Variants in CCDC50 observed in about 807,000 individuals in gnomAD.
CCDC50 encodes coiled-coil domain containing 50.
In CCDC50, 54 loss-of-function variants were observed where a neutral mutation model predicts 70.2. The observed-to-expected ratio is 0.77, with a 90% CI of 0.62 to 0.96. The LOEUF is 0.96. CCDC50 is among the 50% of genes least tolerant of loss of function. CCDC50 has a pLI of 0.00. For synonymous variants in CCDC50, 216 were observed against 198.8 expected (o/e 1.09, Z -0.73); for missense variants, 558 against 578.7 (o/e 0.96, Z 0.37).
chr3:191,380,050 T>G (rs1471566525), intron 6 of CCDC50, 109 bp from the exon 7 acceptor site: 2 of 707,442 alleles, frequency 2.8e-6, no homozygotes, highest in East Asian at 5.4e-5. Context: ...AGAGGTAGTA[T>G]TGTCATTGTT....
intron 1 of CCDC50, chr3:191,330,544 T>A (rs1437979581): frequency 6.6e-6 from 1 of 152,158 alleles, no homozygotes; most frequent in Admixed American, 6.5e-5. Flanking sequence ...GTTATCTTTG[T>A]TTATTCTTTG....
intron 1 of CCDC50, among the ~76,000 whole-genome samples, chr3:191,344,150 A>G (rs781598753): frequency 1.3e-5 from 2 of 152,226 alleles, no homozygotes; most frequent in South Asian, 2.1e-4. Flanking sequence ...GCAAGCACAC[A>G]TGCTTGTGCA....
intron 4 of CCDC50, among the ~76,000 whole-genome samples, chr3:191,369,030 T>G (rs1268883864): frequency 6.6e-6 from 1 of 152,130 alleles, no homozygotes; most frequent in Non-Finnish European, 1.5e-5. Context: ...CTTAGACTGT[T>G]TTTCTAGCCT....
rs191638921 is a variant in CCDC50, at chr3:191,390,547, A to G, written c.1429+945A>G. Among the ~76,000 whole-genome samples the G allele has an allele frequency of 3.5e-4, 53 of 152,204 alleles. No homozygotes were observed. The East Asian group carries it at 8.9e-3, about 26-fold the overall frequency. ...AAGGGGTGGGCAAATCCTGGAACTG[A>G]GGGTTCCTCCCCTTTATAGACCTTA... On this transcript the variant is annotated intron_variant, in intron 11 of 11. Coordinates refer to ENST00000392455, the MANE Select transcript of CCDC50 (RefSeq NM_178335.3).
At chr3:191,380,078 C>G in intron 6 of CCDC50, 81 bp from the exon 7 acceptor site, 1 of 843,034 alleles carries the variant, frequency 1.2e-6, no homozygotes, top group South Asian at 1.6e-5. Context: ...AAAGAAAAAT[C>G]TCCTTTATCT....
At chr3:191,333,866 AT>A (rs925732993) in intron 1 of CCDC50, among the ~76,000 whole-genome samples, 2 of 152,016 alleles carry the variant, frequency 1.3e-5, no homozygotes, top group Admixed American at 1.3e-4. Flanking sequence ...AAAACTTCGA[AT>A]TTTTTTCTAA....
intron 6 of CCDC50, 28 bp from the exon 7 acceptor site, chr3:191,380,131 T>G: frequency 7.5e-7 from 1 of 1,327,838 alleles, no homozygotes. Flanking sequence ...GTTGTTTTAT[T>G]ACATTGAGTT....
At chr3:191,368,529 C>T (rs928911321) in intron 4 of CCDC50, among the ~76,000 whole-genome samples, 3 of 151,914 alleles carry the variant, frequency 2.0e-5, no homozygotes, top group African/African-American at 7.2e-5. Flanking sequence ...GCTAATTTAC[C>T]TAGAATGAGC....
chr3:191,361,716 C>T (rs1245649371), intron 4 of CCDC50, among the ~76,000 whole-genome samples: 2 of 152,218 alleles, frequency 1.3e-5, no homozygotes, highest in African/African-American at 4.8e-5. Context: ...CTCAGCTTAA[C>T]TAATTACATC....
rs1419700397 is a variant in CCDC50 at position 191,398,274 on chromosome 3, T to C, written c.*6514T>C. The C allele has an allele frequency of 1.3e-5, 2 of 152,234 alleles. No individual in the cohort carries two copies. The highest frequency in any genetic ancestry group is 2.9e-5 in the Non-Finnish European group (2 of 68,042). The allele number at this position is 152,234 out of a possible 1,614,324, so 9.4% of individuals were successfully genotyped here. On this transcript the variant is annotated 3_prime_UTR_variant, in exon 12 of 12. Coordinates refer to ENST00000392455, the MANE Select transcript of CCDC50 (RefSeq NM_178335.3). Reference sequence around the variant, plus strand: ...TTTGTTTTTTACACTATATTTCTCATTAGGTTCTTTAAACATCAGGTTTAA... The same window carrying C: ...TTTGTTTTTTACACTATATTTCTCACTAGGTTCTTTAAACATCAGGTTTAA...
Position 191,375,418 on chromosome 3 carries a change from T to C in CCDC50, c.805T>C (p.Ser269Pro). ...NHQTRNWEKQSRHQDRLSPKS... is the reference protein window; with the variant it reads ...NHQTRNWEKQPRHQDRLSPKS... ...TCAGACTCGAAATTGGGAAAAACAGTCTCGACACCAAGATCGACTTTCACC... is the reference window on the plus strand; with the variant it reads ...TCAGACTCGAAATTGGGAAAAACAGCCTCGACACCAAGATCGACTTTCACC... The change falls in exon 6 of 12, where the codon TCT (serine) becomes CCT (proline). Residue 269 changes from serine to proline, a missense_variant. By Grantham distance (74) the Ser-to-Pro change is moderately conservative. Coordinates refer to ENST00000392455, the MANE Select transcript of CCDC50 (RefSeq NM_178335.3). 6.2e-7 allele frequency: 1 copy of C among 1,613,670 alleles called. No individual in the cohort carries two copies. The highest frequency in any genetic ancestry group is 8.5e-7 in the Non-Finnish European group (1 of 1,179,834).
chr3:191,358,184 A>G, intron 3 of CCDC50, 60 bp downstream of exon 3: 1 of 1,606,216 alleles, frequency 6.2e-7, no homozygotes, highest in South Asian at 1.1e-5. Flanking sequence ...GGAGCTAGCA[A>G]CCAGGGCAGG....
intron 3 of CCDC50, among the ~76,000 whole-genome samples, chr3:191,360,204 CT>C (rs2108650665): frequency 6.6e-6 from 1 of 152,346 alleles, no homozygotes; most frequent in South Asian, 2.1e-4. Context: ...CTCAGTTTCG[CT>C]TTCCCAGGAG....
chr3:191,357,202 G>A (rs757905284), intron 2 of CCDC50, 52 bp downstream of exon 2: 2 of 1,473,880 alleles, frequency 1.4e-6, no homozygotes, highest in East Asian at 2.3e-5. Context: ...TTTAGTGGTA[G>A]CTTGAGGCTG....
rs1712006201 is a variant in CCDC50 at position 191,348,700 on chromosome 3, A to G, written c.50-8388A>G. Among the ~76,000 whole-genome samples the G allele has an allele frequency of 1.4e-5, 2 of 142,222 alleles. 1 individual carries two copies. Among genetic ancestry groups the G allele is most frequent in the Non-Finnish European group, 3.2e-5 (2 of 63,048 alleles). 93.3% of individuals were successfully genotyped at this position (142,222 alleles called of 152,430 possible). A position where few individuals can be genotyped will look rare whatever the true frequency, so the allele number is the denominator to read the frequency against. ...CTGCCATTGATTGCTTTGACTAGTA[A>G]CAAAATAAATGAAGATGGAACACCT... is the stretch of plus-strand genomic sequence containing the variant. On this transcript the variant is annotated intron_variant, in intron 1 of 11. Transcript: ENST00000392455.
intron 1 of CCDC50, among the ~76,000 whole-genome samples, chr3:191,338,318 C>T (rs933587216): frequency 1.3e-5 from 2 of 152,010 alleles, no homozygotes; most frequent in Admixed American, 6.6e-5. Context: ...GTGTAAATAT[C>T]GAATACAAGA....
At chr3:191,358,260 T>A in intron 3 of CCDC50, 136 bp downstream of exon 3, 1 of 1,148,512 alleles carries the variant, frequency 8.7e-7, no homozygotes, top group East Asian at 2.4e-5. Flanking sequence ...TTACCCTGGA[T>A]GTCTAACAGT....
chr3:191,362,230 C>G (rs944774436), intron 4 of CCDC50, among the ~76,000 whole-genome samples: 3 of 152,094 alleles, frequency 2.0e-5, no homozygotes, highest in African/African-American at 7.2e-5. Flanking sequence ...TTAAGTGATC[C>G]TCTCTGCCTC....
chr3:191,398,012 T>A lies in CCDC50; in HGVS notation c.*6252T>A, dbSNP rs1295818655. The A allele has an allele frequency of 6.6e-6, 1 of 152,186 alleles. No homozygotes were observed. Among genetic ancestry groups the A allele is most frequent in the Non-Finnish European group, 1.5e-5 (1 of 68,056 alleles). 9.4% of individuals were successfully genotyped at this position (152,186 alleles called of 1,614,324 possible). A position where few individuals can be genotyped will look rare whatever the true frequency, so the allele number is the denominator to read the frequency against. On this transcript the variant is annotated 3_prime_UTR_variant, in exon 12 of 12. Transcript: ENST00000392455. ...TGGGTTCTGATGGGAATATATACAC[T>A]CATCTGGACTAGGCCAATGGAAGCA...
Sources: allele counts gnomAD v4.1 joint callset (sites outside exome capture counted in the v4.1 genomes callset), GRCh38; gene constraint gnomAD v4.1.1; transcripts MANE v1.5; gene names NCBI Gene and HGNC (gene_info 2026-07-23, HGNC 2026-07-21).